The following CSMD1 variants were observed in gnomAD, a reference collection of about 807,000 sequenced individuals.
CSMD1 encodes the protein CUB and sushi domain-containing protein 1.
A neutral mutation model predicts 417.5 loss-of-function variants in CSMD1; 213 were observed. The observed-to-expected ratio is 0.51, with a 90% confidence interval of 0.46 to 0.57. The LOEUF (loss-of-function observed/expected upper bound fraction) is 0.57. Among genes scored for constraint, CSMD1 ranks in the 20% least tolerant of loss-of-function variants. The pLI, the probability that CSMD1 is intolerant of heterozygous loss-of-function variation, is 0.00. For missense variants in CSMD1, 6,923 were observed against 4,529.7 expected (o/e 1.53, Z -15.17); for synonymous variants, 2,862 against 1,736.8 (o/e 1.65, Z -16.11).
chr8:4,441,760 C>T lies in CSMD1; in HGVS notation c.303-21695G>A, dbSNP rs1362273759. Among the ~76,000 whole-genome samples, 7 of 152,118 alleles carry T rather than the reference C, an allele frequency of 4.6e-5. No homozygotes were observed. The East Asian group carries it at 1.4e-3, about 29-fold the overall frequency. ...TTTACTTAAATATTGCATTGCAGTC[C>T]ATTTGACTGACTAATCTTGGGTGTA... On this transcript the variant is annotated intron_variant, in intron 2 of 69. Transcript: ENST00000635120.
intron 5 of CSMD1, among the ~76,000 whole-genome samples, chr8:3,875,860 A>C (rs1268194453): frequency 6.6e-6 from 1 of 152,172 alleles, no homozygotes; most frequent in Non-Finnish European, 1.5e-5. Flanking sequence ...TTTTGGAAAC[A>C]CTAGAGTGTG....
chr8:4,285,680 A>C (rs971554323), intron 3 of CSMD1, among the ~76,000 whole-genome samples: 2 of 152,146 alleles, frequency 1.3e-5, no homozygotes, highest in African/African-American at 4.8e-5. Flanking sequence ...GTGGTGTAGG[A>C]AGAATGGAGC....
Position 3,050,688 on chromosome 8 carries a change from G to C in CSMD1, c.7660+1774C>G, listed in dbSNP as rs139151027. On this transcript the variant is annotated intron_variant, in intron 50 of 69. Coordinates refer to ENST00000635120, the MANE Select transcript of CSMD1 (RefSeq NM_033225.6). ...GAAATACTAATGTTGATTCAATATT[G>C]TCTGACTCTCAGGAAATGCAATAAA... Among the ~76,000 whole-genome samples the C allele has an allele frequency of 6.6e-5, 10 of 152,180 alleles. No homozygotes were observed. In the South Asian group the frequency reaches 2.1e-3, roughly 32 times the overall value.
chr8:3,174,217 G>C (rs1056325034), intron 37 of CSMD1, among the ~76,000 whole-genome samples: 1 of 152,336 alleles, frequency 6.6e-6, no homozygotes, highest in Non-Finnish European at 1.5e-5. Context: ...ACAGAGTCCA[G>C]GCACAGTGGC....
At chr8:3,849,778 T>C (rs1803765528) in intron 5 of CSMD1, among the ~76,000 whole-genome samples, 1 of 152,098 alleles carries the variant, frequency 6.6e-6, no homozygotes, top group South Asian at 2.1e-4. Flanking sequence ...ATGATATGTT[T>C]TTAAAGATGA....
intron 3 of CSMD1, among the ~76,000 whole-genome samples, chr8:4,093,600 T>C (rs1036605149): frequency 1.8e-4 from 28 of 152,318 alleles, no homozygotes; most frequent in African/African-American, 6.7e-4. Flanking sequence ...CGGTATGCTT[T>C]TTCCCTATTT....
At chr8:4,811,689 C>G (rs553231790) in intron 1 of CSMD1, among the ~76,000 whole-genome samples, 1 of 151,868 alleles carries the variant, frequency 6.6e-6, no homozygotes, top group African/African-American at 2.4e-5. Flanking sequence ...CTCATTGAGT[C>G]ACAGAAATAA....
At chr8:3,590,847 C>A (rs1213997644) in intron 8 of CSMD1, among the ~76,000 whole-genome samples, 1 of 152,170 alleles carries the variant, frequency 6.6e-6, no homozygotes, top group African/African-American at 2.4e-5. Context: ...ATCTTTTGCT[C>A]TCATTTTATC....
chr8:4,117,096 C>G (rs1465790294), intron 3 of CSMD1, among the ~76,000 whole-genome samples: 2 of 151,768 alleles, frequency 1.3e-5, no homozygotes, highest in Non-Finnish European at 2.9e-5. Context: ...TCCCTTTTCC[C>G]CCTTGAGCTT....
At chr8:3,358,911 T>G (rs1206609867) in intron 21 of CSMD1, among the ~76,000 whole-genome samples, 3 of 152,152 alleles carry the variant, frequency 2.0e-5, no homozygotes, top group African/African-American at 7.2e-5. Flanking sequence ...ATGCTTTGGT[T>G]TCACTCTTGT....
intron 23 of CSMD1, among the ~76,000 whole-genome samples, chr8:3,309,840 T>G (rs982219259): frequency 6.6e-6 from 1 of 152,242 alleles, no homozygotes; most frequent in African/African-American, 2.4e-5. Context: ...GATGTCTGAC[T>G]AATCAGGATT....
intron 21 of CSMD1, among the ~76,000 whole-genome samples, chr8:3,358,030 C>A (rs1454186599): frequency 1.3e-5 from 2 of 152,090 alleles, no homozygotes; most frequent in Non-Finnish European, 2.9e-5. Context: ...CCCTAAGCAA[C>A]CCCAAAAATC....
intron 2 of CSMD1, among the ~76,000 whole-genome samples, chr8:4,626,300 G>C (rs1802107304): frequency 6.6e-6 from 1 of 151,884 alleles, no homozygotes; most frequent in Admixed American, 6.6e-5. Context: ...CCTGTTCATT[G>C]CGGGGGGCTG....
At chr8:3,918,425 T>A (rs1039371716) in intron 5 of CSMD1, among the ~76,000 whole-genome samples, 1 of 152,160 alleles carries the variant, frequency 6.6e-6, no homozygotes, top group Non-Finnish European at 1.5e-5. Flanking sequence ...GGTTTTGATT[T>A]GCGTTTGTCT....
chr8:4,306,935 G>T (rs900759101), intron 3 of CSMD1, among the ~76,000 whole-genome samples: 1 of 152,060 alleles, frequency 6.6e-6, no homozygotes, highest in African/African-American at 2.4e-5. Context: ...GTGGGATTCA[G>T]TATCTGTCGA....
intron 1 of CSMD1, among the ~76,000 whole-genome samples, chr8:4,776,770 G>T (rs59389757): frequency 6.6e-6 from 1 of 152,240 alleles, no homozygotes; most frequent in African/African-American, 2.4e-5. Context: ...AGAAAAAGTT[G>T]TGAAAATACA....
intron 26 of CSMD1, among the ~76,000 whole-genome samples, chr8:3,230,992 T>A (rs1798802927): frequency 6.6e-6 from 1 of 152,136 alleles, no homozygotes; most frequent in African/African-American, 2.4e-5. Flanking sequence ...TAATCATGTG[T>A]AAAGTGCATT....
intron 1 of CSMD1, among the ~76,000 whole-genome samples, chr8:4,643,879 G>A (rs1803354583): frequency 1.3e-5 from 2 of 152,184 alleles, no homozygotes; most frequent in South Asian, 2.1e-4. Flanking sequence ...GCATTTTGCA[G>A]GAACACCATG....
chr8:3,643,984 CGGTGA>C (rs1159257436), intron 7 of CSMD1, among the ~76,000 whole-genome samples: 1 of 152,112 alleles, frequency 6.6e-6, no homozygotes, highest in Non-Finnish European at 1.5e-5. Context: ...GAAGAGAACA[CGGTGA>C]ATTCATCGCT....
Sources: gnomAD v4.1 joint callset for allele counts (sites outside exome capture counted in the v4.1 genomes callset) on GRCh38, gnomAD v4.1.1 for gene constraint, MANE v1.5 for transcripts, NCBI Gene and HGNC (gene_info 2026-07-23, HGNC 2026-07-21) for gene names.